TSPAN18: variants seen among roughly 807,000 people sequenced by gnomAD.
TSPAN18 encodes the protein tetraspanin-18.
A neutral mutation model predicts 27.3 loss-of-function variants in TSPAN18; 14 were observed. The observed-to-expected ratio is 0.51, with a 90% CI of 0.34 to 0.80. The LOEUF (loss-of-function observed/expected upper bound fraction) is 0.80. TSPAN18 is among the 30% of genes least tolerant of loss of function. The pLI, the probability that TSPAN18 is intolerant of heterozygous loss-of-function variation, is 0.01. For synonymous variants in TSPAN18, 143 were observed against 136.5 expected (o/e 1.05, Z -0.33); for missense variants, 268 against 323.9 (o/e 0.83, Z 1.32).
chr11:44,817,758 T>C (rs2135113771), intron 2 of TSPAN18, among the ~76,000 whole-genome samples: 1 of 152,344 alleles, frequency 6.6e-6, no homozygotes, highest in Non-Finnish European at 1.5e-5. Context: ...GGAACCCTAA[T>C]TCAACATGCC....
chr11:44,879,666 G>A (rs79583602), intron 3 of TSPAN18, among the ~76,000 whole-genome samples: 1,758 of 152,304 alleles, frequency 0.012, 27 homozygotes, highest in African/African-American at 0.04. Context: ...GAGGGTGGTC[G>A]GAGGTAAGCC....
At chr11:44,822,122 A>T (rs1856941217) in intron 2 of TSPAN18, among the ~76,000 whole-genome samples, 1 of 152,190 alleles carries the variant, frequency 6.6e-6, no homozygotes, top group African/African-American at 2.4e-5. Flanking sequence ...GGATAGGGAC[A>T]TTAGAGAACT....
chr11:44,835,644 G>A (rs919326237), intron 2 of TSPAN18, among the ~76,000 whole-genome samples: 4 of 152,088 alleles, frequency 2.6e-5, no homozygotes, highest in Admixed American at 2.6e-4. Context: ...CGGGGGGATA[G>A]GGGGCGGTGG....
intron 2 of TSPAN18, among the ~76,000 whole-genome samples, chr11:44,835,105 G>GCCCCT (rs1857238381): frequency 6.6e-6 from 1 of 152,216 alleles, no homozygotes; most frequent in Non-Finnish European, 1.5e-5. Flanking sequence ...GGGAGCAGGG[G>GCCCCT]GCTCCGGCAG....
Position 44,770,807 on chromosome 11 carries a change from T to C in TSPAN18, c.-153+6295T>C, listed in dbSNP as rs138346824. Among the ~76,000 whole-genome samples, 416 of 152,202 alleles carry C rather than the reference T, an allele frequency of 2.7e-3. 3 individuals carry two copies. Among genetic ancestry groups the C allele is most frequent in the African/African-American group, 9.2e-3 (384 of 41,522 alleles). Reference sequence around the variant, plus strand: ...GAAGCCACAACATTCAGGATCTATTTTGAGAGCAAAGTTGATAGGACTCGC... The same window carrying C: ...GAAGCCACAACATTCAGGATCTATTCTGAGAGCAAAGTTGATAGGACTCGC... On this transcript the variant is annotated intron_variant, in intron 2 of 9. Transcript: ENST00000520358.
chr11:44,844,037 G>T (rs1857430172), intron 2 of TSPAN18, among the ~76,000 whole-genome samples: 1 of 152,220 alleles, frequency 6.6e-6, no homozygotes, highest in Admixed American at 6.5e-5. Flanking sequence ...GGTATTGATT[G>T]GGGAAGTGAT....
chr11:44,790,623 TGC>T (rs1856196591), intron 2 of TSPAN18, among the ~76,000 whole-genome samples: 1 of 151,126 alleles, frequency 6.6e-6, no homozygotes. Context: ...TGTGTGTGTG[TGC>T]ATGTGTACAC....
intron 2 of TSPAN18, among the ~76,000 whole-genome samples, chr11:44,790,144 C>T (rs989726243): frequency 7.2e-6 from 1 of 138,196 alleles, no homozygotes; most frequent in African/African-American, 2.5e-5. Context: ...TTTCCACCCG[C>T]GTGTGTGCAT....
chr11:44,902,517 C>G (rs1290575087), intron 3 of TSPAN18, among the ~76,000 whole-genome samples: 4 of 152,218 alleles, frequency 2.6e-5, no homozygotes, highest in Non-Finnish European at 5.9e-5. Flanking sequence ...AAAGGCCCCA[C>G]AGTCAGTGAT....
At position 44,851,622 on chromosome 11, in the gene TSPAN18, C is replaced by G. The variant is rs75939585; in HGVS notation, c.-152-8706C>G. On this transcript the variant is annotated intron_variant, in intron 2 of 9. Coordinates refer to ENST00000520358, the MANE Select transcript of TSPAN18 (RefSeq NM_130783.5). ...CCAGGTACTCTTGTCACCTCCCCCC[C>G]CCAACGGCTGGGTCCCTGTCTACCT... Among the ~76,000 whole-genome samples, 118 of 148,442 alleles carry G rather than the reference C, an allele frequency of 7.9e-4. 2 individuals carry two copies. The highest frequency in any genetic ancestry group is 1.2e-3 in the Non-Finnish European group (77 of 66,122).
chr11:44,817,127 ACAC>A (rs1856832542), intron 2 of TSPAN18, among the ~76,000 whole-genome samples: 2 of 152,090 alleles, frequency 1.3e-5, no homozygotes, highest in African/African-American at 4.8e-5. Flanking sequence ...GCCCTTGTGA[ACAC>A]CACAAGATCA....
At chr11:44,785,523 C>T (rs2134964470) in intron 2 of TSPAN18, among the ~76,000 whole-genome samples, 1 of 151,890 alleles carries the variant, frequency 6.6e-6, no homozygotes, top group Middle Eastern at 3.4e-3. Flanking sequence ...GCCCCCTGCC[C>T]CCCACCGCCC....
At chr11:44,870,612 A>C (rs767881273) in intron 3 of TSPAN18, among the ~76,000 whole-genome samples, 1 of 152,184 alleles carries the variant, frequency 6.6e-6, no homozygotes, top group Non-Finnish European at 1.5e-5. Context: ...GATCACATAG[A>C]GTGCCAGGCC....
At chr11:44,799,096 C>T (rs989478347) in intron 2 of TSPAN18, among the ~76,000 whole-genome samples, 2 of 151,280 alleles carry the variant, frequency 1.3e-5, no homozygotes, top group African/African-American at 4.9e-5. Flanking sequence ...TGGGAGCTCC[C>T]CAGAGAGTGG....
At chr11:44,876,676 T>C (rs1290897615) in intron 3 of TSPAN18, among the ~76,000 whole-genome samples, 1 of 152,224 alleles carries the variant, frequency 6.6e-6, no homozygotes, top group African/African-American at 2.4e-5. Flanking sequence ...AATGATTTGT[T>C]TTAATTACAT....
At chr11:44,820,719 T>C (rs147525208) in intron 2 of TSPAN18, among the ~76,000 whole-genome samples, 23 of 149,668 alleles carry the variant, frequency 1.5e-4, no homozygotes, top group African/African-American at 5.7e-4. Context: ...TGTGGTGGAG[T>C]GGAAGGTGTT....
At chr11:44,833,241 ACCTTGGGCAAGTAG>A (rs1857191479) in intron 2 of TSPAN18, among the ~76,000 whole-genome samples, 1 of 151,930 alleles carries the variant, frequency 6.6e-6, no homozygotes, top group Non-Finnish European at 1.5e-5. Flanking sequence ...CGGCTTAGTA[ACCTTGGGCAAGTAG>A]CTTAACCTCT....
chr11:44,865,009 G>C (rs1055019996), intron 3 of TSPAN18, among the ~76,000 whole-genome samples: 3 of 152,210 alleles, frequency 2.0e-5, no homozygotes, highest in African/African-American at 7.2e-5. Flanking sequence ...TACTGGAATC[G>C]GTGTTGTCCC....
At chr11:44,859,631 C>T (rs2135208932) in intron 2 of TSPAN18, 1 of 152,330 alleles carries the variant, frequency 6.6e-6, no homozygotes, top group African/African-American at 2.4e-5. Flanking sequence ...TCTGCTGAGG[C>T]CCAAGACTGG....
Sources: allele counts gnomAD v4.1 joint callset (sites outside exome capture counted in the v4.1 genomes callset), GRCh38; gene constraint gnomAD v4.1.1; transcripts MANE v1.5; gene names NCBI Gene and HGNC (gene_info 2026-07-23, HGNC 2026-07-21).